Variants in TBC1D22A observed in about 807,000 individuals in gnomAD.
TBC1D22A encodes TBC1 domain family member 22A, also known as putative GTPase activator.
Under a neutral mutation model 60.2 loss-of-function variants are expected in TBC1D22A, and 38 were observed. That is an observed-to-expected ratio of 0.63 (90% CI 0.49 to 0.83). The LOEUF (loss-of-function observed/expected upper bound fraction) is 0.83, where lower values mean the gene tolerates loss of function less well. Ranked by LOEUF, TBC1D22A falls within the 40% of genes least tolerant of loss-of-function variation. TBC1D22A has a pLI of 0.00. For missense variants in TBC1D22A, 628 were observed against 701.0 expected (o/e 0.90, Z 1.18); for synonymous variants, 302 against 281.7 (o/e 1.07, Z -0.72).
intron 5 of TBC1D22A, among the ~76,000 whole-genome samples, chr22:46,880,980 A>T (rs2067822277): frequency 6.6e-6 from 1 of 152,186 alleles, no homozygotes; most frequent in African/African-American, 2.4e-5. Flanking sequence ...GTGGCATCTT[A>T]CGTGGCATCT....
At chr22:46,971,521 G>A (rs1299558693) in intron 8 of TBC1D22A, among the ~76,000 whole-genome samples, 1 of 152,230 alleles carries the variant, frequency 6.6e-6, no homozygotes, top group African/African-American at 2.4e-5. Flanking sequence ...CCAGCAGAAC[G>A]TTGAGTTGAT....
At chr22:46,826,945 G>GTT (rs985060370) in intron 4 of TBC1D22A, among the ~76,000 whole-genome samples, 26 of 144,312 alleles carry the variant, frequency 1.8e-4, no homozygotes, top group African/African-American at 2.5e-4. Context: ...TTTAGTTTCC[G>GTT]TTTTTTTTTT....
intron 12 of TBC1D22A, among the ~76,000 whole-genome samples, chr22:47,114,837 A>G (rs908161077): frequency 6.6e-6 from 1 of 152,168 alleles, no homozygotes; most frequent in Non-Finnish European, 1.5e-5. Flanking sequence ...CAAGCAGTTC[A>G]GGGGCCAGGG....
rs532954502 is a variant in TBC1D22A at position 46,904,161 on chromosome 22, A to G, written c.901-7913A>G. On this transcript the variant is annotated intron_variant, in intron 7 of 12. Coordinates refer to ENST00000337137, the MANE Select transcript of TBC1D22A (RefSeq NM_014346.5). ...TATCTATCTACCTACCTACCTACCT[A>G]CCTACCTACCTACCAGTCTGAGAGC... is the stretch of plus-strand genomic sequence containing the variant. 4.7e-4 allele frequency among the ~76,000 whole-genome samples: 70 copies of G among 148,338 alleles called. 1 individual carries two copies. The East Asian group carries it at 8.9e-3, about 19-fold the overall frequency.
intron 12 of TBC1D22A, among the ~76,000 whole-genome samples, chr22:47,112,691 A>G (rs1238591207): frequency 1.3e-5 from 2 of 152,164 alleles, no homozygotes; most frequent in African/African-American, 2.4e-5. Flanking sequence ...GGTGGATGGG[A>G]CAAGACGCTC....
chr22:47,171,924 C>T (rs1415257207), intron 12 of TBC1D22A, among the ~76,000 whole-genome samples: 1 of 121,742 alleles, frequency 8.2e-6, no homozygotes, highest in Non-Finnish European at 2.0e-5. Context: ...CCATCTGAGA[C>T]ACGGCCCAGC....
At chr22:46,889,942 C>T (rs991148165) in intron 5 of TBC1D22A, among the ~76,000 whole-genome samples, 1 of 152,170 alleles carries the variant, frequency 6.6e-6, no homozygotes, top group African/African-American at 2.4e-5. Flanking sequence ...TGTCAAAAGC[C>T]ACCAAACTGA....
rs1051393729 is a variant in TBC1D22A at position 47,009,526 on chromosome 22, CCATCAT to C, written c.1201+11824_1201+11829del. On this transcript the variant is annotated intron_variant, in intron 10 of 12. Coordinates refer to ENST00000337137, the MANE Select transcript of TBC1D22A (RefSeq NM_014346.5). This position sits in a 1 kb window ranked among gnomAD's most constrained non-coding sequence, Gnocchi z 5.8. ...ATCACCACCATCATCTTCACCATCA[CCATCAT>C]CATCATTGCCATCATCACCATCATT... Among the ~76,000 whole-genome samples, 1 of 151,502 alleles carries C rather than the reference CCATCAT, an allele frequency of 6.6e-6. No individual in the cohort carries two copies. The highest frequency in any genetic ancestry group is 2.1e-4 in the South Asian group (1 of 4,772).
intron 12 of TBC1D22A, among the ~76,000 whole-genome samples, chr22:47,162,739 C>G (rs2068041643): frequency 7.7e-6 from 1 of 130,360 alleles, no homozygotes; most frequent in Non-Finnish European, 1.6e-5. Context: ...GGACTGCGGA[C>G]CCGGTGCAGG....
Position 46,776,628 on chromosome 22 carries a change from C to T in TBC1D22A, c.62+13780C>T, listed in dbSNP as rs899340605. On this transcript the variant is annotated intron_variant, in intron 1 of 12. Transcript: ENST00000337137. ...CAGAGGCTCAGGTCAAGGAACTGGC[C>T]TGAGATTGCATGGGTAGGACGAGGC... Among the ~76,000 whole-genome samples the T allele has an allele frequency of 1.1e-4, 16 of 151,926 alleles. No homozygotes were observed. In the South Asian group the frequency reaches 3.1e-3, roughly 30 times the overall value.
intron 8 of TBC1D22A, among the ~76,000 whole-genome samples, chr22:46,927,029 A>G (rs549484391): frequency 1.1e-4 from 16 of 152,324 alleles, no homozygotes; most frequent in African/African-American, 3.8e-4. Context: ...AAGGTTTAAC[A>G]AAGAATTAAC....
intron 11 of TBC1D22A, among the ~76,000 whole-genome samples, chr22:47,071,005 T>A (rs917282435): frequency 1.3e-5 from 2 of 152,274 alleles, no homozygotes; most frequent in Admixed American, 1.3e-4. Context: ...AATGGCCCAA[T>A]AATTCCATTT....
chr22:46,824,555 A>C (rs62233852), intron 4 of TBC1D22A, among the ~76,000 whole-genome samples: 1 of 152,078 alleles, frequency 6.6e-6, no homozygotes, highest in South Asian at 2.1e-4. Flanking sequence ...ATTCCATGCT[A>C]GTTGTGGTGG....
chr22:46,890,555 A>G (rs1322698883), intron 5 of TBC1D22A, among the ~76,000 whole-genome samples: 1 of 152,174 alleles, frequency 6.6e-6, no homozygotes, highest in African/African-American at 2.4e-5. Context: ...GAATTTTGGT[A>G]TCCCCCATAG....
At chr22:47,148,646 G>A (rs959411394) in intron 12 of TBC1D22A, among the ~76,000 whole-genome samples, 36 of 142,012 alleles carry the variant, frequency 2.5e-4, no homozygotes, top group African/African-American at 9.7e-4. Context: ...CCTCCCCTGG[G>A]TTCCTCTCCT....
In TBC1D22A at chr22:47,128,456, C is replaced by G. The variant is rs77453981; in HGVS notation, c.1425+16853C>G. On this transcript the variant is annotated intron_variant, in intron 12 of 12. Coordinates refer to ENST00000337137, the MANE Select transcript of TBC1D22A (RefSeq NM_014346.5). Reference sequence around the variant, plus strand: ...CGTCCCTGGCTTCCGGTGCCCCCAGCAGGCTCCCTGAGTGGCATCTTCCAG... The same window carrying G: ...CGTCCCTGGCTTCCGGTGCCCCCAGGAGGCTCCCTGAGTGGCATCTTCCAG... 5.1e-3 allele frequency among the ~76,000 whole-genome samples: 740 copies of G among 145,712 alleles called. 10 individuals carry two copies. Among genetic ancestry groups the G allele is most frequent in the African/African-American group, 0.018 (714 of 38,810 alleles).
At chr22:46,918,155 C>T (rs557484132) in intron 8 of TBC1D22A, among the ~76,000 whole-genome samples, 5 of 152,340 alleles carry the variant, frequency 3.3e-5, no homozygotes, top group East Asian at 3.9e-4. Flanking sequence ...GTCCAGTATG[C>T]GTTGCTCTTG....
chr22:46,965,030 A>G (rs368591193), intron 8 of TBC1D22A, among the ~76,000 whole-genome samples: 78 of 152,340 alleles, frequency 5.1e-4, no homozygotes, highest in African/African-American at 1.8e-3. Context: ...TCGAAGACCA[A>G]GGATTGATGA....
At chr22:46,929,846 C>T (rs949544930) in intron 8 of TBC1D22A, among the ~76,000 whole-genome samples, 1 of 152,142 alleles carries the variant, frequency 6.6e-6, no homozygotes, top group Admixed American at 6.5e-5. Flanking sequence ...GAGAAGCAAG[C>T]ATGTGCCCAA....
Sources: allele counts gnomAD v4.1 joint callset (sites outside exome capture counted in the v4.1 genomes callset), GRCh38; gene constraint gnomAD v4.1.1; non-coding constraint Gnocchi (gnomAD v3.1); transcripts MANE v1.5; gene names NCBI Gene and HGNC (gene_info 2026-07-23, HGNC 2026-07-21).